The following RIMBP2 variants were observed in gnomAD, a reference collection of about 807,000 sequenced individuals.
The protein encoded by RIMBP2 is RIMS-binding protein 2.
RIMBP2 carries 48 observed loss-of-function variants against 118.6 expected under a neutral mutation model. The observed-to-expected ratio is 0.40, with a 90% confidence interval of 0.32 to 0.51. The LOEUF (loss-of-function observed/expected upper bound fraction) is 0.51, where lower values mean the gene tolerates loss of function less well. Among genes scored for constraint, RIMBP2 ranks in the 20% least tolerant of loss-of-function variants. The pLI, the probability that RIMBP2 is intolerant of heterozygous loss-of-function variation, is 0.41. For synonymous variants in RIMBP2, 762 were observed against 742.9 expected (o/e 1.03, Z -0.42); for missense variants, 1,551 against 1,768.3 (o/e 0.88, Z 2.20).
Position 130,478,983 on chromosome 12 carries a change from G to T in RIMBP2, c.31C>A (p.Leu11Met), listed in dbSNP as rs1444850938. The T allele has an allele frequency of 1.9e-6, 3 of 1,613,768 alleles. No homozygotes were observed. The highest frequency in any genetic ancestry group is 2.5e-6 in the Non-Finnish European group (3 of 1,179,946). ...AGGGCCTGGTCATGCTCCAACTGCA[G>T]CTGCTGCCGCCGTTCAGCCGCCTCT... is the stretch of plus-strand genomic sequence containing the variant. MREAAERRQQLQLEHDQALAV... is the reference protein window; with the variant it reads MREAAERRQQMQLEHDQALAV... Residue 11 changes from leucine (L) to methionine (M), a missense_variant, in exon 5 of 23, where the codon CTG becomes ATG. Coordinates refer to ENST00000690449, the MANE Select transcript of RIMBP2 (RefSeq NM_001393629.1).
Position 130,438,373 on chromosome 12 carries a change from C to G in RIMBP2, c.1648G>C (p.Gly550Arg), listed in dbSNP as rs1364979589. Residue 550 changes from glycine to arginine, a missense_variant, in exon 12 of 23, where the codon GGG becomes CGG. Physicochemically the swap from Gly to Arg is moderately radical, Grantham distance 125. Transcript: ENST00000690449. ...ACCCAACGAAAACTCACCCTCTGCC[C>G]TTTGGCATACACGCCGTAGCCGGTA... is the stretch of plus-strand genomic sequence containing the variant. ...NVTGYGVYAK[G>R]QRVAEVIFPT... The G allele has an allele frequency of 6.2e-7, 1 of 1,613,618 alleles. No individual in the cohort carries two copies.
intron 4 of RIMBP2, among the ~76,000 whole-genome samples, chr12:130,503,952 C>T (rs942683336): frequency 6.6e-6 from 1 of 152,190 alleles, no homozygotes; most frequent in South Asian, 2.1e-4. Flanking sequence ...AACACATTCA[C>T]AGATAATGAA....
chr12:130,607,966 T>C (rs1176713018), intron 2 of RIMBP2, among the ~76,000 whole-genome samples: 1 of 152,102 alleles, frequency 6.6e-6, no homozygotes, highest in Non-Finnish European at 1.5e-5. Context: ...GGGGTTCCCC[T>C]GCAAAAGGAC....
intron 1 of RIMBP2, among the ~76,000 whole-genome samples, chr12:130,672,513 T>C (rs1196896702): frequency 6.6e-6 from 1 of 152,192 alleles, no homozygotes; most frequent in Non-Finnish European, 1.5e-5. Flanking sequence ...CCCAGAACAG[T>C]ATCTCCTTTT....
rs770684020 is a variant in RIMBP2 at position 130,450,573 on chromosome 12, G to A, written c.505-297C>T. Reference sequence around the variant, plus strand: ...GCCCAGTGTCTCCTACAGCAATCCCGGGAGTCAGCGGCGTGGCCTTTTCTC... The same window carrying A: ...GCCCAGTGTCTCCTACAGCAATCCCAGGAGTCAGCGGCGTGGCCTTTTCTC... On this transcript the variant is annotated intron_variant, in intron 8 of 22. Transcript: ENST00000690449. The surrounding 1 kb of genome is among the most constrained non-coding windows in gnomAD (Gnocchi z 4.8). Among the ~76,000 whole-genome samples, 15 of 152,022 alleles carry A rather than the reference G, an allele frequency of 9.9e-5. No individual in the cohort carries two copies. Among genetic ancestry groups the A allele is most frequent in the Non-Finnish European group, 2.2e-4 (15 of 67,996 alleles).
chr12:130,459,288 C>A (rs532605593), intron 6 of RIMBP2, among the ~76,000 whole-genome samples: 313 of 145,224 alleles, frequency 2.2e-3, no homozygotes, highest in African/African-American at 7.5e-3. Flanking sequence ...CAGCTATATA[C>A]GAAAAAAAAA....
At chr12:130,421,823 T>C (rs1299810982) in intron 17 of RIMBP2, among the ~76,000 whole-genome samples, 1 of 152,154 alleles carries the variant, frequency 6.6e-6, no homozygotes, top group Non-Finnish European at 1.5e-5. Flanking sequence ...ATTCCAATAA[T>C]AGAAGTATCC....
At chr12:130,693,299 T>G (rs2065419147) in intron 1 of RIMBP2, among the ~76,000 whole-genome samples, 1 of 152,206 alleles carries the variant, frequency 6.6e-6, no homozygotes, top group Non-Finnish European at 1.5e-5. Context: ...CAGGGCCATC[T>G]CTCACTCCAT....
chr12:130,639,982 T>C (rs899145509), intron 1 of RIMBP2, among the ~76,000 whole-genome samples: 5 of 152,226 alleles, frequency 3.3e-5, no homozygotes, highest in African/African-American at 4.8e-5. Flanking sequence ...CTGGCGTTTC[T>C]GTTCCAGGAA....
chr12:130,504,770 G>A (rs1001043137), intron 4 of RIMBP2, among the ~76,000 whole-genome samples: 1 of 152,082 alleles, frequency 6.6e-6, no homozygotes, highest in East Asian at 1.9e-4. Flanking sequence ...CCACTGACAC[G>A]TGGGACCAGG....
intron 2 of RIMBP2, among the ~76,000 whole-genome samples, chr12:130,555,012 A>G (rs758740223): frequency 7.9e-5 from 12 of 152,222 alleles, no homozygotes; most frequent in Admixed American, 2.6e-4. Context: ...TTTTATAAAC[A>G]CTAATTTATT....
chr12:130,475,621 C>T lies in RIMBP2; in HGVS notation c.102+3291G>A, dbSNP rs1369610876. Among the ~76,000 whole-genome samples the T allele has an allele frequency of 3.3e-5, 5 of 152,058 alleles. No homozygotes were observed. The highest frequency in any genetic ancestry group is 1.2e-4 in the African/African-American group (5 of 41,398). On this transcript the variant is annotated intron_variant, in intron 5 of 22. Transcript: ENST00000690449. The surrounding 1 kb of genome is among the most constrained non-coding windows in gnomAD (Gnocchi z 4.1). ...GAGGCCAGGGGCTCCAGGCGGGCGT[C>T]TCCAAGGGGAAAATGGAATCAGAAG... is the stretch of plus-strand genomic sequence containing the variant.
intron 1 of RIMBP2, among the ~76,000 whole-genome samples, chr12:130,706,258 A>T (rs770754572): frequency 7.2e-5 from 11 of 152,328 alleles, no homozygotes; most frequent in Admixed American, 2.0e-4. Context: ...ATCTTTATTG[A>T]GTGTTGCAAG....
chr12:130,427,943 T>C (rs1179177470), intron 15 of RIMBP2: 1 of 407,032 alleles, frequency 2.5e-6, no homozygotes, highest in Non-Finnish European at 4.3e-6. Context: ...CCCTGGAGGG[T>C]GCCAAATAGA....
chr12:130,714,292 TTG>T (rs1284147309), intron 1 of RIMBP2, among the ~76,000 whole-genome samples: 1 of 152,178 alleles, frequency 6.6e-6, no homozygotes, highest in Non-Finnish European at 1.5e-5. Flanking sequence ...GGCCCACCGC[TTG>T]TCTTTTCATC....
At chr12:130,555,390 A>C (rs1391822931) in intron 2 of RIMBP2, among the ~76,000 whole-genome samples, 1 of 152,208 alleles carries the variant, frequency 6.6e-6, no homozygotes, top group African/African-American at 2.4e-5. Flanking sequence ...TGGGTCTCAC[A>C]TGATGCACCC....
chr12:130,677,519 T>G (rs922549684), intron 1 of RIMBP2, among the ~76,000 whole-genome samples: 12 of 152,182 alleles, frequency 7.9e-5, no homozygotes, highest in African/African-American at 2.6e-4. Flanking sequence ...TCCCAGCTAC[T>G]CAGGAGACTG....
intron 1 of RIMBP2, among the ~76,000 whole-genome samples, chr12:130,636,197 G>A (rs1315566213): frequency 6.6e-6 from 1 of 152,118 alleles, no homozygotes; most frequent in Non-Finnish European, 1.5e-5. Context: ...GACATGGCTG[G>A]CTCTATTGTC....
intron 2 of RIMBP2, among the ~76,000 whole-genome samples, chr12:130,602,314 C>T (rs1387176903): frequency 6.6e-6 from 1 of 152,214 alleles, no homozygotes; most frequent in Non-Finnish European, 1.5e-5. Flanking sequence ...TCTCTCAACA[C>T]CTAACCTACC....
Sources: gnomAD v4.1 joint callset for allele counts (sites outside exome capture counted in the v4.1 genomes callset) on GRCh38, gnomAD v4.1.1 for gene constraint, Gnocchi (gnomAD v3.1) non-coding constraint, MANE v1.5 for transcripts, NCBI Gene and HGNC (gene_info 2026-07-23, HGNC 2026-07-21) for gene names.